The following EMP2 variants were observed in gnomAD, a reference collection of about 807,000 sequenced individuals.
EMP2 encodes epithelial membrane protein 2.
In EMP2, 19 loss-of-function variants were observed where a neutral mutation model predicts 13.7. The ratio of observed to expected loss-of-function variants is 1.38; its 90% CI spans 0.97 to 2.03. The LOEUF (loss-of-function observed/expected upper bound fraction) is 2.03. EMP2 is among the 30% of genes most tolerant of loss of function. EMP2 has a pLI of 0.00. For missense variants in EMP2, 253 were observed against 220.7 expected (o/e 1.15, Z -0.93); for synonymous variants, 97 against 84.7 (o/e 1.15, Z -0.80).
In EMP2 at chr16:10,532,267, C is replaced by G. The variant is rs1431800352; in HGVS notation, c.*638G>C. 1.3e-5 allele frequency: 2 copies of G among 154,426 alleles called. No individual in the cohort carries two copies. The highest frequency in any genetic ancestry group is 2.9e-5 in the Non-Finnish European group (2 of 68,230). The allele number at this position is 154,426 out of a possible 1,614,324, so 9.6% of individuals were successfully genotyped here. A position where few individuals can be genotyped will look rare whatever the true frequency, so the allele number is the denominator to read the frequency against. ...AATCTGGCACGCAGGTTAAGGATGA[C>G]CATTCCTAAGGCAAGCAGGTGACAC... On this transcript the variant is annotated 3_prime_UTR_variant, in exon 5 of 5. Coordinates refer to ENST00000359543, the MANE Select transcript of EMP2 (RefSeq NM_001424.6).
rs551268030 is a variant in EMP2, at chr16:10,530,484, G to C, written c.*2421C>G. ...AAGTGCAAAAGTATTTAAATAGCAC[G>C]AGGTCCCACACCCCATCCCAGGACA... On this transcript the variant is annotated 3_prime_UTR_variant, in exon 5 of 5. Coordinates refer to ENST00000359543, the MANE Select transcript of EMP2 (RefSeq NM_001424.6). 4 of 152,632 alleles carry C rather than the reference G, an allele frequency of 2.6e-5. No individual in the cohort carries two copies. In the East Asian group the frequency reaches 5.8e-4, roughly 22 times the overall value. 9.5% of individuals were successfully genotyped at this position (152,632 alleles called of 1,614,324 possible). A position where few individuals can be genotyped will look rare whatever the true frequency, so the allele number is the denominator to read the frequency against.
At chr16:10,555,240 G>A (rs2050818811) in intron 1 of EMP2, among the ~76,000 whole-genome samples, 1 of 152,132 alleles carries the variant, frequency 6.6e-6, no homozygotes, top group South Asian at 2.1e-4. Context: ...AATCTTTCAG[G>A]AGTCAGTGAT....
At chr16:10,564,924 A>G (rs2050896872) in intron 1 of EMP2, among the ~76,000 whole-genome samples, 1 of 152,202 alleles carries the variant, frequency 6.6e-6, no homozygotes, top group Non-Finnish European at 1.5e-5. Context: ...TTATATCGCA[A>G]ATGAGATGGA....
chr16:10,543,737 C>G (rs1339214545), intron 2 of EMP2, 77 bp from the exon 3 acceptor site: 1 of 1,384,506 alleles, frequency 7.2e-7, no homozygotes, highest in East Asian at 2.3e-5. Context: ...AGGCACGAGG[C>G]ATGGTGGGCT....
Position 10,575,237 on chromosome 16 carries a change from C to CTTTTTTTTTTTTTTTTTTTTTTTTTTTT in EMP2, c.-61+5284_-61+5311dup, listed in dbSNP as rs761837614. On this transcript the variant is annotated intron_variant, in intron 1 of 4. Transcript: ENST00000359543. ...TGGCCTTGGTCCTGGAGCTTGCATT[C>CTTTTTTTTTTTTTTTTTTTTTTTTTTTT]TTTTTTTTTTTTTTTTTTTTTTTTT... 5.3e-4 allele frequency among the ~76,000 whole-genome samples: 28 copies of CTTTTTTTTTTTTTTTTTTTTTTTTTTTT among 52,488 alleles called. 7 individuals are homozygous for CTTTTTTTTTTTTTTTTTTTTTTTTTTTT. Among genetic ancestry groups the CTTTTTTTTTTTTTTTTTTTTTTTTTTTT allele is most frequent in the Admixed American group, 1.1e-3 (3 of 2,750 alleles). The allele number at this position is 52,488 out of a possible 152,430, so 34.4% of individuals were successfully genotyped here. A position where few individuals can be genotyped will look rare whatever the true frequency, so the allele number is the denominator to read the frequency against.
At position 10,532,626 on chromosome 16, in the gene EMP2, G is replaced by A. The variant is rs1465990896; in HGVS notation, c.*279C>T. ...CCGAGTGCTTTTGGATTTGAGCATT[G>A]CTGGATTTTTGCTTGTGTCTTGTTG... On this transcript the variant is annotated 3_prime_UTR_variant, in exon 5 of 5. Transcript: ENST00000359543. 1 of 211,354 alleles carries A rather than the reference G, an allele frequency of 4.7e-6. No individual in the cohort carries two copies. The highest frequency in any genetic ancestry group is 9.3e-6 in the Non-Finnish European group (1 of 107,896). The allele number at this position is 211,354 out of a possible 1,614,324, so 13.1% of individuals were successfully genotyped here. A position where few individuals can be genotyped will look rare whatever the true frequency, so the allele number is the denominator to read the frequency against.
intron 1 of EMP2, chr16:10,578,152 C>T (rs2050997138): frequency 6.6e-6 from 1 of 152,162 alleles, no homozygotes; most frequent in South Asian, 2.1e-4. Context: ...AAGAAGTGGC[C>T]TTTGCTGTGC....
chr16:10,549,111 C>G (rs1432715477), intron 1 of EMP2, among the ~76,000 whole-genome samples: 4 of 152,196 alleles, frequency 2.6e-5, no homozygotes, highest in Non-Finnish European at 2.9e-5. Flanking sequence ...GTTGAAGCCT[C>G]ACACCTTGGA....
At chr16:10,575,117 A>G (rs939466713) in intron 1 of EMP2, among the ~76,000 whole-genome samples, 4 of 151,844 alleles carry the variant, frequency 2.6e-5, no homozygotes, top group African/African-American at 9.7e-5. Context: ...TGCTTGGGGA[A>G]TTTGAAATAT....
chr16:10,576,140 A>T (rs2050982821), intron 1 of EMP2, among the ~76,000 whole-genome samples: 1 of 152,076 alleles, frequency 6.6e-6, no homozygotes, highest in South Asian at 2.1e-4. Context: ...AGTATCTGTG[A>T]AACCATGGGT....
At chr16:10,560,738 A>G (rs545948516) in intron 1 of EMP2, among the ~76,000 whole-genome samples, 3 of 152,254 alleles carry the variant, frequency 2.0e-5, no homozygotes, top group African/African-American at 7.2e-5. Flanking sequence ...GCGACACCTG[A>G]GCTGGGTCTC....
At chr16:10,549,234 G>C (rs2050763450) in intron 1 of EMP2, among the ~76,000 whole-genome samples, 1 of 152,194 alleles carries the variant, frequency 6.6e-6, no homozygotes, top group African/African-American at 2.4e-5. Flanking sequence ...GGAAGCAATT[G>C]CAAAGTGAAA....
chr16:10,533,726 CCTT>C (rs1206759983), intron 4 of EMP2, among the ~76,000 whole-genome samples: 11 of 152,184 alleles, frequency 7.2e-5, no homozygotes, highest in African/African-American at 2.7e-4. Context: ...AGTTTGCCAA[CCTT>C]CTTCTTGGCA....
intron 1 of EMP2, among the ~76,000 whole-genome samples, chr16:10,568,208 G>A (rs1229609309): frequency 1.3e-5 from 2 of 152,168 alleles, no homozygotes; most frequent in Non-Finnish European, 2.9e-5. Flanking sequence ...CCCACCAATA[G>A]GTGCTAAAAG....
chr16:10,528,722 C>A lies in EMP2; in HGVS notation c.*4183G>T, dbSNP rs989461907. ...TTCAAAATGAACCTCTAGGCCTTGC[C>A]CTAACATTTCCCCAACACCACAAAA... On this transcript the variant is annotated 3_prime_UTR_variant, in exon 5 of 5. Transcript: ENST00000359543. The A allele has an allele frequency of 7.9e-5, 12 of 152,184 alleles. No individual in the cohort carries two copies. Among genetic ancestry groups the A allele is most frequent in the Non-Finnish European group, 1.6e-4 (11 of 68,040 alleles). The allele number at this position is 152,184 out of a possible 1,614,324, so 9.4% of individuals were successfully genotyped here.
At chr16:10,564,490 CA>C (rs34683301) in intron 1 of EMP2, among the ~76,000 whole-genome samples, 6,269 of 70,874 alleles carry the variant, frequency 0.088, 184 homozygotes, top group African/African-American at 0.18. Context: ...GACTCTGTCT[CA>C]AAAAAAAAAA....
At chr16:10,579,181 C>T (rs1390848744) in intron 1 of EMP2, among the ~76,000 whole-genome samples, 3 of 152,134 alleles carry the variant, frequency 2.0e-5, no homozygotes, top group Non-Finnish European at 4.4e-5. Context: ...CAGCTCAGGT[C>T]GCCATCCTTC....
chr16:10,568,390 T>G (rs528569019), intron 1 of EMP2, among the ~76,000 whole-genome samples: 19 of 152,328 alleles, frequency 1.2e-4, no homozygotes, highest in African/African-American at 3.4e-4. Context: ...TTATTATATA[T>G]TTACATGTGT....
chr16:10,575,175 CACCACATATGGTGGGCTTCCCTGAA>C lies in EMP2; in HGVS notation c.-61+5349_-61+5373del, dbSNP rs1297748809. 1.3e-4 allele frequency among the ~76,000 whole-genome samples: 19 copies of C among 149,494 alleles called. 1 individual carries two copies. Among genetic ancestry groups the C allele is most frequent in the African/African-American group, 4.7e-4 (19 of 40,858 alleles). On this transcript the variant is annotated intron_variant, in intron 1 of 4. Coordinates refer to ENST00000359543, the MANE Select transcript of EMP2 (RefSeq NM_001424.6). ...CTACAGGCTTAAGGAAACCTTTGCACACCACATATGGTGGGCTTCCCTGAAACCACATCTGGTGGCCTTGGTCCTG... is the reference window on the plus strand; with the variant it reads ...CTACAGGCTTAAGGAAACCTTTGCACACCACATCTGGTGGCCTTGGTCCTG...
Sources: gnomAD v4.1 joint callset for allele counts (sites outside exome capture counted in the v4.1 genomes callset) on GRCh38, gnomAD v4.1.1 for gene constraint, MANE v1.5 for transcripts, NCBI Gene and HGNC (gene_info 2026-07-23, HGNC 2026-07-21) for gene names.